The following ATE1 variants were observed in gnomAD, a reference collection of about 807,000 sequenced individuals.
ATE1 encodes the protein arginyltransferase 1, also known as arginyl-tRNA--protein transferase 1.
A neutral mutation model predicts 70.5 loss-of-function variants in ATE1; 36 were observed. The ratio of observed to expected loss-of-function variants is 0.51; its 90% confidence interval spans 0.39 to 0.67. The LOEUF (loss-of-function observed/expected upper bound fraction) is 0.67, where lower values mean the gene tolerates loss of function less well. Among genes scored for constraint, ATE1 ranks in the 30% least tolerant of loss-of-function variants. The probability of loss-of-function intolerance (pLI) is 0.00; values close to 1 mark genes in which losing one functional copy is unlikely to be tolerated. For missense variants in ATE1, 593 were observed against 629.5 expected (o/e 0.94, Z 0.62); for synonymous variants, 232 against 219.3 (o/e 1.06, Z -0.51).
At chr10:121,792,010 C>T (rs1946473133) in intron 10 of ATE1, among the ~76,000 whole-genome samples, 1 of 152,200 alleles carries the variant, frequency 6.6e-6, no homozygotes, top group Non-Finnish European at 1.5e-5. Context: ...GCTCGCAAAG[C>T]ATTCAGAAGT....
intron 11 of ATE1, among the ~76,000 whole-genome samples, chr10:121,769,046 T>C (rs1945393392): frequency 6.6e-6 from 1 of 151,854 alleles, no homozygotes; most frequent in South Asian, 2.1e-4. Context: ...GAAGCAAGAG[T>C]ATTCTAAAAT....
intron 11 of ATE1, among the ~76,000 whole-genome samples, chr10:121,768,116 C>T (rs1245138009): frequency 6.6e-6 from 1 of 152,018 alleles, no homozygotes; most frequent in Non-Finnish European, 1.5e-5. Flanking sequence ...TGTATGACAC[C>T]ACTAATTTTT....
chr10:121,775,443 T>A (rs75652940), intron 11 of ATE1, among the ~76,000 whole-genome samples: 946 of 152,100 alleles, frequency 6.2e-3, no homozygotes, highest in South Asian at 0.015. Flanking sequence ...GTAACCAATG[T>A]GCACATCTGC....
rs756705389 is a variant in ATE1, at chr10:121,790,156, G to A, written c.1378+13C>T. On this transcript the variant is annotated intron_variant, in intron 11 of 11. Transcript: ENST00000224652. ...AGCCAATGATTTCCAGCTGAGCTCA[G>A]CTCCAAACATACCTGCTTCTGGGTC... The A allele has an allele frequency of 5.0e-6, 8 of 1,613,788 alleles. No individual in the cohort carries two copies. Among genetic ancestry groups the A allele is most frequent in the Middle Eastern group, 1.7e-4 (1 of 6,052 alleles).
chr10:121,864,019 A>G (rs1373076941), intron 8 of ATE1, among the ~76,000 whole-genome samples: 3 of 152,154 alleles, frequency 2.0e-5, no homozygotes, highest in Non-Finnish European at 4.4e-5. Flanking sequence ...TAGCCTGACA[A>G]TCTCTGACTT....
rs1345403632 is a variant in ATE1, at chr10:121,924,716, AT to A, written c.107-388del. 4.6e-5 allele frequency among the ~76,000 whole-genome samples: 7 copies of A among 151,514 alleles called. No individual in the cohort carries two copies. The East Asian group carries it at 9.7e-4, about 21-fold the overall frequency. ...CTCCATCTCAAAAAAAAAAAAAAAAATAGGAGTGTTTAGGTTAAAATTCCAA... is the reference window on the plus strand; with the variant it reads ...CTCCATCTCAAAAAAAAAAAAAAAAAAGGAGTGTTTAGGTTAAAATTCCAA... On this transcript the variant is annotated intron_variant, in intron 1 of 11. Coordinates refer to ENST00000224652, the MANE Select transcript of ATE1 (RefSeq NM_001001976.3).
intron 7 of ATE1, among the ~76,000 whole-genome samples, chr10:121,894,792 T>G (rs1482399102): frequency 6.6e-6 from 1 of 151,890 alleles, no homozygotes; most frequent in Non-Finnish European, 1.5e-5. Flanking sequence ...TCCCAGCTAC[T>G]TGGGAGGCTG....
intron 11 of ATE1, among the ~76,000 whole-genome samples, chr10:121,780,938 C>T (rs935630848): frequency 6.6e-6 from 1 of 152,188 alleles, no homozygotes; most frequent in African/African-American, 2.4e-5. Flanking sequence ...TGAGGACTGG[C>T]ACCTCCCATT....
At chr10:121,849,845 G>A (rs1194939948) in intron 8 of ATE1, among the ~76,000 whole-genome samples, 4 of 151,484 alleles carry the variant, frequency 2.6e-5, no homozygotes, top group East Asian at 1.9e-4. Context: ...GATCACTCAC[G>A]CCTAGCTAAG....
chr10:121,903,668 C>G (rs1399027652), intron 5 of ATE1, among the ~76,000 whole-genome samples: 6 of 151,970 alleles, frequency 3.9e-5, no homozygotes, highest in Non-Finnish European at 8.8e-5. Flanking sequence ...GCCTGGGCGA[C>G]AGAGTGAGAC....
intron 11 of ATE1, among the ~76,000 whole-genome samples, chr10:121,756,070 G>T (rs1284232535): frequency 6.6e-6 from 1 of 152,140 alleles, no homozygotes; most frequent in African/African-American, 2.4e-5. Context: ...TTACTTCCTA[G>T]ATACAATGGG....
At chr10:121,853,059 G>A (rs1270913754) in intron 8 of ATE1, among the ~76,000 whole-genome samples, 1 of 152,040 alleles carries the variant, frequency 6.6e-6, no homozygotes, top group African/African-American at 2.4e-5. Flanking sequence ...ATGCATTAAT[G>A]TTATAATCTA....
chr10:121,757,065 T>TC (rs1357982786), intron 11 of ATE1, among the ~76,000 whole-genome samples: 1 of 151,944 alleles, frequency 6.6e-6, no homozygotes. Flanking sequence ...CCAAGTCACC[T>TC]CTTCAATGCT....
At chr10:121,786,210 T>C (rs1946201476) in intron 11 of ATE1, among the ~76,000 whole-genome samples, 2 of 140,638 alleles carry the variant, frequency 1.4e-5, no homozygotes, top group Non-Finnish European at 3.1e-5. Flanking sequence ...AAGTTTTTTT[T>C]TTTTTTTTTT....
chr10:121,764,522 G>A (rs1028472907), intron 11 of ATE1, among the ~76,000 whole-genome samples: 14 of 149,896 alleles, frequency 9.3e-5, no homozygotes, highest in Non-Finnish European at 2.1e-4. Context: ...AGTTCTTTAG[G>A]TAACAATGGG....
chr10:121,911,162 G>T lies in ATE1; in HGVS notation c.338-11C>A. The T allele has an allele frequency of 6.3e-7, 1 of 1,599,058 alleles. No homozygotes were observed. Among genetic ancestry groups the T allele is most frequent in the South Asian group, 1.1e-5 (1 of 87,280 alleles). ...AATCCATGGGCTCATCTACAAATCA[G>T]AAGAAATTAAAAATCCATCAGCTGG... On this transcript the variant is annotated splice_polypyrimidine_tract_variant and intron_variant, in intron 4 of 11. Transcript: ENST00000224652.
intron 10 of ATE1, among the ~76,000 whole-genome samples, chr10:121,830,972 T>C (rs1047022571): frequency 1.3e-5 from 2 of 152,218 alleles, no homozygotes; most frequent in Admixed American, 1.3e-4. Flanking sequence ...GTTTCCTAAG[T>C]TGTGATCATG....
chr10:121,922,481 G>T, intron 2 of ATE1, 70 bp from the exon 3 acceptor site: 1 of 913,162 alleles, frequency 1.1e-6, no homozygotes, highest in Non-Finnish European at 1.7e-6. Context: ...CCTAGCACAG[G>T]AGCATTAAAT....
At chr10:121,746,165 C>G (rs560914629) in intron 11 of ATE1, among the ~76,000 whole-genome samples, 5 of 152,310 alleles carry the variant, frequency 3.3e-5, no homozygotes, top group East Asian at 1.9e-4. Context: ...AAAATCCACT[C>G]TAGTTCTCCT....
Sources: gnomAD v4.1 joint callset for allele counts (sites outside exome capture counted in the v4.1 genomes callset) on GRCh38, gnomAD v4.1.1 for gene constraint, MANE v1.5 for transcripts, NCBI Gene and HGNC (gene_info 2026-07-23, HGNC 2026-07-21) for gene names.